Variants in MORC1 observed in about 807,000 individuals in gnomAD.
The protein encoded by MORC1 is MORC family CW-type zinc finger protein 1.
MORC1 carries 59 observed loss-of-function variants against 134.9 expected under a neutral mutation model. The observed-to-expected ratio is 0.44, with a 90% CI of 0.35 to 0.54. The LOEUF (loss-of-function observed/expected upper bound fraction) is 0.54. Ranked by LOEUF, MORC1 falls within the 20% of genes least tolerant of loss-of-function variation. The pLI, the probability that MORC1 is intolerant of heterozygous loss-of-function variation, is 0.00. For missense variants in MORC1, 947 were observed against 1,134.5 expected (o/e 0.83, Z 2.37); for synonymous variants, 395 against 391.7 (o/e 1.01, Z -0.10).
At chr3:108,960,817 A>G (rs1947060617) in intron 27 of MORC1, among the ~76,000 whole-genome samples, 1 of 152,018 alleles carries the variant, frequency 6.6e-6, no homozygotes, top group African/African-American at 2.4e-5. Flanking sequence ...AAAATCTTTA[A>G]AAAAAAATCT....
chr3:109,028,845 G>A (rs1273182518), intron 16 of MORC1, among the ~76,000 whole-genome samples: 2 of 152,196 alleles, frequency 1.3e-5, no homozygotes, highest in African/African-American at 4.8e-5. Context: ...ACACGCAGTA[G>A]TGTCGTAAGA....
chr3:109,075,287 G>T (rs1184770209), intron 8 of MORC1, among the ~76,000 whole-genome samples: 2 of 152,144 alleles, frequency 1.3e-5, no homozygotes, highest in Non-Finnish European at 2.9e-5. Flanking sequence ...ATTCAAGGAA[G>T]ACTATTAATA....
rs1576692332 is a variant in MORC1, at chr3:109,059,546, T to G, written c.1031+260A>C. 3.9e-5 allele frequency among the ~76,000 whole-genome samples: 6 copies of G among 152,300 alleles called. No homozygotes were observed. In the South Asian group the frequency reaches 1.0e-3, roughly 26 times the overall value. ...GACATTTTCATCTAGCCCAATTAAA[T>G]GCTGAACTAATTTTTCACTTTTTTT... On this transcript the variant is annotated intron_variant, in intron 12 of 27. Coordinates refer to ENST00000232603, the MANE Select transcript of MORC1 (RefSeq NM_014429.4).
At chr3:109,116,626 A>C (rs1951280409) in intron 1 of MORC1, among the ~76,000 whole-genome samples, 1 of 152,128 alleles carries the variant, frequency 6.6e-6, no homozygotes, top group Admixed American at 6.5e-5. Context: ...TTTTTAAAAA[A>C]AGAATTAGCC....
At chr3:108,986,359 T>G (rs1042421298) in intron 22 of MORC1, among the ~76,000 whole-genome samples, 5 of 152,160 alleles carry the variant, frequency 3.3e-5, no homozygotes, top group African/African-American at 1.2e-4. Context: ...TACTATCAGA[T>G]GGAAACTTCA....
intron 17 of MORC1, among the ~76,000 whole-genome samples, chr3:109,014,777 AC>A (rs1948777955): frequency 6.6e-6 from 1 of 152,240 alleles, no homozygotes; most frequent in Admixed American, 6.5e-5. Context: ...TTTCATTTTA[AC>A]ATCAGAGTTG....
At chr3:109,070,251 A>G (rs1950288131) in intron 8 of MORC1, among the ~76,000 whole-genome samples, 1 of 152,234 alleles carries the variant, frequency 6.6e-6, no homozygotes, top group Non-Finnish European at 1.5e-5. Flanking sequence ...TCATTCCATA[A>G]GTGCAATAAG....
At chr3:109,083,210 C>A (rs4855688) in intron 8 of MORC1, among the ~76,000 whole-genome samples, 129,108 of 152,022 alleles carry the variant, frequency 0.85, 54,972 homozygotes, top group East Asian at 0.93. Context: ...AAGACAGATA[C>A]AGCATTTCCT....
intron 21 of MORC1, among the ~76,000 whole-genome samples, chr3:108,996,270 G>T (rs997635477): frequency 1.2e-5 from 1 of 81,668 alleles, no homozygotes; most frequent in African/African-American, 4.0e-5. Context: ...ACATGTGCGC[G>T]TGCGTGCGCG....
intron 23 of MORC1, among the ~76,000 whole-genome samples, chr3:108,980,230 A>G (rs1441304054): frequency 6.6e-6 from 1 of 152,172 alleles, no homozygotes; most frequent in African/African-American, 2.4e-5. Flanking sequence ...GAAACTCCCT[A>G]GAGGGCAAGT....
rs1238270653 is a variant in MORC1, at chr3:109,103,781, T to C, written c.223+68A>G. On this transcript the variant is annotated intron_variant, in intron 4 of 27. Transcript: ENST00000232603. The stretch of plus-strand genomic sequence containing the variant: ...CTGTTTTTGCATAGATAGCTCAATT[T>C]ATTTATTTTGTAGGTTTTCAGACTG... 2.9e-6 allele frequency: 4 copies of C among 1,382,184 alleles called. No individual in the cohort carries two copies. The African/African-American group carries it at 5.7e-5, about 20-fold the overall frequency. The allele number at this position is 1,382,184 out of a possible 1,614,324, so 85.6% of individuals were successfully genotyped here. A position where few individuals can be genotyped will look rare whatever the true frequency, so the allele number is the denominator to read the frequency against.
At chr3:109,000,915 C>T (rs1462595175) in intron 20 of MORC1, among the ~76,000 whole-genome samples, 1 of 152,026 alleles carries the variant, frequency 6.6e-6, no homozygotes, top group African/African-American at 2.4e-5. Flanking sequence ...AGTGGTAATG[C>T]CTAGTGTGTT....
At chr3:109,011,413 A>G (rs1344226707) in intron 17 of MORC1, among the ~76,000 whole-genome samples, 1 of 151,938 alleles carries the variant, frequency 6.6e-6, no homozygotes, top group Non-Finnish European at 1.5e-5. Context: ...AACGAAATTG[A>G]CTTTTCATGT....
chr3:109,024,099 TCTC>T (rs775536170), intron 17 of MORC1, among the ~76,000 whole-genome samples: 54 of 152,290 alleles, frequency 3.5e-4, no homozygotes, highest in Non-Finnish European at 5.4e-4. Flanking sequence ...GAATTTGAGC[TCTC>T]CTATTAGGTT....
chr3:109,005,434 A>G (rs1948516447), intron 18 of MORC1, 119 bp from the exon 19 acceptor site: 1 of 927,866 alleles, frequency 1.1e-6, no homozygotes, highest in African/African-American at 1.7e-5. Context: ...AAAGTTTTTA[A>G]ATCAGAAGCT....
chr3:108,998,912 A>G (rs1163805839), intron 21 of MORC1, among the ~76,000 whole-genome samples: 1 of 152,212 alleles, frequency 6.6e-6, no homozygotes, highest in African/African-American at 2.4e-5. Context: ...AAATATAAAC[A>G]TCATCTCTAA....
intron 10 of MORC1, 90 bp downstream of exon 10, chr3:109,063,062 C>G: frequency 1.1e-6 from 1 of 941,578 alleles, no homozygotes. Context: ...CCTACAATGC[C>G]TAGAGCAATG....
intron 27 of MORC1, among the ~76,000 whole-genome samples, chr3:108,962,292 AG>A (rs1301976740): frequency 8.2e-4 from 123 of 150,812 alleles, no homozygotes; most frequent in African/African-American, 2.8e-3. Flanking sequence ...AAAAAAAAAA[AG>A]CTTTTCTGCA....
chr3:109,035,352 T>C lies in MORC1; in HGVS notation c.1447A>G (p.Ile483Val), dbSNP rs757266834. 8 of 1,589,030 alleles carry C rather than the reference T, an allele frequency of 5.0e-6. No homozygotes were observed. The South Asian group carries it at 7.1e-5, about 14-fold the overall frequency. ...CTTCAACACTCACCACATTGTATGATGAATGGGATACCCATGGCTTGTCTT... is the reference window on the plus strand; with the variant it reads ...CTTCAACACTCACCACATTGTATGACGAATGGGATACCCATGGCTTGTCTT... ...QRRQAMGIPFIIQCDLCLKWR... is the reference protein window; with the variant it reads ...QRRQAMGIPFVIQCDLCLKWR... The change falls in exon 15 of 28, where the codon ATC becomes GTC. Residue 483 changes from isoleucine (I) to valine (V), a missense_variant. Coordinates refer to ENST00000232603, the MANE Select transcript of MORC1 (RefSeq NM_014429.4).
Sources: allele counts gnomAD v4.1 joint callset (sites outside exome capture counted in the v4.1 genomes callset), GRCh38; gene constraint gnomAD v4.1.1; transcripts MANE v1.5; gene names NCBI Gene and HGNC (gene_info 2026-07-23, HGNC 2026-07-21).